Variants in CYYR1 observed in about 807,000 individuals in gnomAD.
The protein encoded by CYYR1 is cysteine and tyrosine rich 1.
A neutral mutation model predicts 15.2 loss-of-function variants in CYYR1; 14 were observed. The ratio of observed to expected loss-of-function variants is 0.92; its 90% CI spans 0.61 to 1.44. The LOEUF (loss-of-function observed/expected upper bound fraction) is 1.44. Ranked by LOEUF, CYYR1 falls within the 40% of genes most tolerant of loss-of-function variation. CYYR1 has a pLI of 0.00. For synonymous variants in CYYR1, 80 were observed against 77.4 expected (o/e 1.03, Z -0.18); for missense variants, 228 against 209.5 (o/e 1.09, Z -0.54).
At chr21:26,552,385 G>A (rs1351414358) in intron 2 of CYYR1, among the ~76,000 whole-genome samples, 2 of 152,096 alleles carry the variant, frequency 1.3e-5, no homozygotes, top group African/African-American at 4.8e-5. Flanking sequence ...AGCTATTTCA[G>A]TAGAGTTGAA....
At chr21:26,555,273 T>C (rs1386000630) in intron 2 of CYYR1, among the ~76,000 whole-genome samples, 1 of 152,206 alleles carries the variant, frequency 6.6e-6, no homozygotes, top group Non-Finnish European at 1.5e-5. Flanking sequence ...TTTCAGCATT[T>C]ATTTGATAAA....
intron 2 of CYYR1, among the ~76,000 whole-genome samples, chr21:26,559,308 T>C (rs372058173): frequency 1.3e-5 from 2 of 152,214 alleles, no homozygotes; most frequent in African/African-American, 2.4e-5. Flanking sequence ...TATTCAGGCA[T>C]TGCGGATACT....
chr21:26,480,472 C>A, intron 2 of CYYR1, 43 bp from the exon 3 acceptor site: 2 of 1,572,486 alleles, frequency 1.3e-6, no homozygotes, highest in East Asian at 2.3e-5. Context: ...GACTTGTAAG[C>A]ATTCTTTAGA....
At chr21:26,514,722 T>A (rs1197616358) in intron 2 of CYYR1, among the ~76,000 whole-genome samples, 1 of 152,190 alleles carries the variant, frequency 6.6e-6, no homozygotes, top group Non-Finnish European at 1.5e-5. Flanking sequence ...GCACTAACCA[T>A]ATGTCAGGCC....
In CYYR1 at chr21:26,480,329, C is replaced by T; in HGVS notation, c.277G>A (p.Ala93Thr). 6.2e-7 allele frequency: 1 copy of T among 1,613,572 alleles called. No homozygotes were observed. The highest frequency in any genetic ancestry group is 8.5e-7 in the Non-Finnish European group (1 of 1,179,706). ...CICMCMKNHR[A>T]TRVGILRTTH... is the part of the protein sequence containing the mutation. ...GTCCTGAGGATGCCCACGCGGGTCG[C>T]CCTGTGGTTCTTCATGCACATGCAG... is the stretch of plus-strand genomic sequence containing the variant. The change falls in exon 3 of 4, where the codon GCG becomes ACG. Residue 93 changes from alanine (A) to threonine (T), a missense_variant. Ala to Thr is a moderately conservative substitution (Grantham distance 58). Coordinates refer to ENST00000652641, the MANE Select transcript of CYYR1 (RefSeq NM_001320768.2).
At chr21:26,560,379 A>C (rs561283801) in intron 2 of CYYR1, among the ~76,000 whole-genome samples, 79 of 152,210 alleles carry the variant, frequency 5.2e-4, no homozygotes, top group Middle Eastern at 3.4e-3. Context: ...AATGAGAGCA[A>C]TTTACTTTCT....
intron 2 of CYYR1, among the ~76,000 whole-genome samples, chr21:26,545,144 T>C (rs1978869584): frequency 6.6e-6 from 1 of 152,140 alleles, no homozygotes. Context: ...TACTTTTTTA[T>C]TGAAATTATA....
chr21:26,508,447 G>A (rs988051496), intron 2 of CYYR1, among the ~76,000 whole-genome samples: 1 of 152,066 alleles, frequency 6.6e-6, no homozygotes, highest in Non-Finnish European at 1.5e-5. Context: ...TGAGGGGGTA[G>A]GTAAAAGAAA....
chr21:26,526,209 A>ATTTGCCTCC (rs1185734563), intron 2 of CYYR1, among the ~76,000 whole-genome samples: 3 of 152,160 alleles, frequency 2.0e-5, no homozygotes, highest in Admixed American at 1.3e-4. Flanking sequence ...GCACTTTGGG[A>ATTTGCCTCC]GGCAAAGGTG....
intron 2 of CYYR1, among the ~76,000 whole-genome samples, chr21:26,481,833 T>C (rs1415574226): frequency 2.6e-5 from 4 of 151,984 alleles, no homozygotes; most frequent in Non-Finnish European, 4.4e-5. Flanking sequence ...GTAATTAGTA[T>C]TGAATGGAAA....
chr21:26,522,779 A>C (rs1737446811), intron 2 of CYYR1, among the ~76,000 whole-genome samples: 1 of 152,232 alleles, frequency 6.6e-6, no homozygotes, highest in Admixed American at 6.5e-5. Flanking sequence ...AATGAATTCA[A>C]GGGCAGTTTT....
At chr21:26,509,593 T>G in intron 2 of CYYR1, among the ~76,000 whole-genome samples, 1 of 152,160 alleles carries the variant, frequency 6.6e-6, no homozygotes, top group East Asian at 1.9e-4. Flanking sequence ...TCTCAGTGGC[T>G]TTACTGAAAA....
chr21:26,479,297 T>C (rs1467074128), intron 3 of CYYR1, among the ~76,000 whole-genome samples: 2 of 144,496 alleles, frequency 1.4e-5, no homozygotes, highest in African/African-American at 5.1e-5. Flanking sequence ...TTGAAGATGA[T>C]AGAGGAAAAA....
At chr21:26,556,043 TTTCAA>T (rs1478064461) in intron 2 of CYYR1, among the ~76,000 whole-genome samples, 1 of 152,152 alleles carries the variant, frequency 6.6e-6, no homozygotes, top group Non-Finnish European at 1.5e-5. Flanking sequence ...CAAATTGGCT[TTTCAA>T]TTCTAGTCTC....
At chr21:26,561,154 C>A (rs1178062277) in intron 2 of CYYR1, among the ~76,000 whole-genome samples, 1 of 152,100 alleles carries the variant, frequency 6.6e-6, no homozygotes, top group Non-Finnish European at 1.5e-5. Flanking sequence ...CATTCTAAAT[C>A]AAGTTCATAT....
intron 2 of CYYR1, chr21:26,483,471 T>C (rs746950639): frequency 1.7e-5 from 17 of 980,164 alleles, no homozygotes; most frequent in Middle Eastern, 5.2e-4. Flanking sequence ...AAGCCAGAAT[T>C]TGACAGGTGA....
intron 2 of CYYR1, among the ~76,000 whole-genome samples, chr21:26,516,888 G>C (rs1478227007): frequency 1.3e-5 from 2 of 151,752 alleles, no homozygotes; most frequent in African/African-American, 4.8e-5. Flanking sequence ...GGCCGAGGCG[G>C]GCGGATCACG....
At chr21:26,513,244 T>A (rs2065675352) in intron 2 of CYYR1, among the ~76,000 whole-genome samples, 2 of 152,210 alleles carry the variant, frequency 1.3e-5, no homozygotes, top group Admixed American at 1.3e-4. Context: ...GTACGATCCT[T>A]AGTCTTGCAC....
At chr21:26,527,394 CA>C (rs2065880936) in intron 2 of CYYR1, among the ~76,000 whole-genome samples, 1 of 152,120 alleles carries the variant, frequency 6.6e-6, no homozygotes, top group Admixed American at 6.6e-5. Flanking sequence ...ACCCAATTTA[CA>C]TAACCAAATA....
Sources: allele counts gnomAD v4.1 joint callset (sites outside exome capture counted in the v4.1 genomes callset), GRCh38; gene constraint gnomAD v4.1.1; transcripts MANE v1.5; gene names NCBI Gene and HGNC (gene_info 2026-07-23, HGNC 2026-07-21).